CPEB1: variants seen among roughly 807,000 people sequenced by gnomAD.
CPEB1 encodes cytoplasmic polyadenylation element binding protein 1.
In CPEB1, 7 loss-of-function variants were observed where a neutral mutation model predicts 65.8. That is an observed-to-expected ratio of 0.11 (90% confidence interval 0.06 to 0.20). The LOEUF (loss-of-function observed/expected upper bound fraction) is 0.20, where lower values mean the gene tolerates loss of function less well. Ranked by LOEUF, CPEB1 falls within the 10% of genes least tolerant of loss-of-function variation. The pLI is 1.00. For synonymous variants in CPEB1, 262 were observed against 260.0 expected (o/e 1.01, Z -0.08); for missense variants, 551 against 712.2 (o/e 0.77, Z 2.58).
At chr15:82,622,912 CCTT>C (rs994561644) in intron 3 of CPEB1, among the ~76,000 whole-genome samples, 5 of 152,210 alleles carry the variant, frequency 3.3e-5, no homozygotes, top group African/African-American at 4.8e-5. Context: ...CTACCCCCCT[CCTT>C]ATGTGATCCT....
At chr15:82,582,457 G>A (rs188129041) in intron 3 of CPEB1, among the ~76,000 whole-genome samples, 22 of 152,220 alleles carry the variant, frequency 1.4e-4, no homozygotes, top group African/African-American at 4.1e-4. Context: ...TCGCCATCCC[G>A]TCTTTTTTTA....
At chr15:82,641,368 G>C (rs888359686) in intron 1 of CPEB1, among the ~76,000 whole-genome samples, 1 of 152,172 alleles carries the variant, frequency 6.6e-6, no homozygotes, top group South Asian at 2.1e-4. Flanking sequence ...AGTAGTAAGA[G>C]ATTAAGTGTT....
At chr15:82,624,755 T>C (rs576092054) in intron 3 of CPEB1, among the ~76,000 whole-genome samples, 1 of 152,278 alleles carries the variant, frequency 6.6e-6, no homozygotes, top group East Asian at 1.9e-4. Context: ...AATATTTTCC[T>C]GTAAACTAGA....
intron 9 of CPEB1, among the ~76,000 whole-genome samples, chr15:82,552,136 G>C (rs906725835): frequency 1.3e-5 from 2 of 152,160 alleles, no homozygotes; most frequent in Admixed American, 1.3e-4. Flanking sequence ...AGTCCAAGTA[G>C]AGAAGTTTGC....
chr15:82,579,116 C>T (rs2040966258), intron 3 of CPEB1, among the ~76,000 whole-genome samples: 1 of 152,144 alleles, frequency 6.6e-6, no homozygotes, highest in Non-Finnish European at 1.5e-5. Flanking sequence ...AACCACCATG[C>T]CCAGCCTTAA....
intron 1 of CPEB1, among the ~76,000 whole-genome samples, chr15:82,634,556 T>C (rs934770026): frequency 2.6e-5 from 4 of 151,728 alleles, no homozygotes; most frequent in Non-Finnish European, 5.9e-5. Context: ...TACAATGGAT[T>C]AATAGCCAGT....
At chr15:82,599,177 T>C (rs1263980766) in intron 3 of CPEB1, among the ~76,000 whole-genome samples, 1 of 152,094 alleles carries the variant, frequency 6.6e-6, no homozygotes, top group Non-Finnish European at 1.5e-5. Context: ...GCAGTTCTCT[T>C]AAAATATTAT....
At chr15:82,564,865 C>T (rs2038862721) in intron 4 of CPEB1, among the ~76,000 whole-genome samples, 1 of 152,088 alleles carries the variant, frequency 6.6e-6, no homozygotes, top group Non-Finnish European at 1.5e-5. Context: ...CTGCAATACA[C>T]TCCTACATTC....
At chr15:82,605,261 T>C (rs1276476718) in intron 3 of CPEB1, among the ~76,000 whole-genome samples, 1 of 152,178 alleles carries the variant, frequency 6.6e-6, no homozygotes, top group Admixed American at 6.5e-5. Context: ...AGTGAAAGAA[T>C]GCTAGACAGT....
Position 82,571,643 on chromosome 15 carries a change from A to G in CPEB1, c.272-111T>C, listed in dbSNP as rs1468014171. On this transcript the variant is annotated intron_variant, in intron 3 of 12. Coordinates refer to ENST00000684509, the MANE Select transcript of CPEB1 (RefSeq NM_001365242.1). ...GTTTCCCCAGGCTCACAGGCCAGAC[A>G]TCCAAGCTGGCTGGATGCTGCAGCC... 4 of 1,465,238 alleles carry G rather than the reference A, an allele frequency of 2.7e-6. No individual in the cohort carries two copies. In the African/African-American group the frequency reaches 5.7e-5, roughly 21 times the overall value. The allele number at this position is 1,465,238 out of a possible 1,614,324, so 90.8% of individuals were successfully genotyped here.
intron 3 of CPEB1, among the ~76,000 whole-genome samples, chr15:82,610,228 C>A (rs1159958292): frequency 6.6e-6 from 1 of 152,046 alleles, no homozygotes; most frequent in Non-Finnish European, 1.5e-5. Flanking sequence ...AACAAACTTC[C>A]CAGAGAATAG....
At chr15:82,571,854 T>C in intron 3 of CPEB1, 1 of 1,098,244 alleles carries the variant, frequency 9.1e-7, no homozygotes. Context: ...GCATCATCCC[T>C]CACAGAACGG....
intron 10 of CPEB1, among the ~76,000 whole-genome samples, chr15:82,547,530 G>A (rs929477044): frequency 5.9e-5 from 9 of 151,990 alleles, no homozygotes; most frequent in Admixed American, 2.6e-4. Flanking sequence ...TCCTGACCTT[G>A]TGACCCGCCC....
At chr15:82,627,591 T>C (rs2045879692) in intron 2 of CPEB1, among the ~76,000 whole-genome samples, 1 of 152,148 alleles carries the variant, frequency 6.6e-6, no homozygotes, top group Admixed American at 6.5e-5. Context: ...AGGATACTAT[T>C]AAGGAAGAGA....
rs1286889462 is a variant in CPEB1, at chr15:82,558,027, T to TC, written c.461-42dup. 4 of 1,409,896 alleles carry TC rather than the reference T, an allele frequency of 2.8e-6. No individual in the cohort carries two copies. The African/African-American group carries it at 5.8e-5, about 20-fold the overall frequency. The allele number at this position is 1,409,896 out of a possible 1,614,324, so 87.3% of individuals were successfully genotyped here. A position where few individuals can be genotyped will look rare whatever the true frequency, so the allele number is the denominator to read the frequency against. ...AGGAAACCTCATGACCTCTTAGTTTTCTTTGCAGCCAACAGCCTCTTTCTT... is the reference window on the plus strand; with the variant it reads ...AGGAAACCTCATGACCTCTTAGTTTTCCTTTGCAGCCAACAGCCTCTTTCTT... On this transcript the variant is annotated intron_variant, in intron 4 of 12. Transcript: ENST00000684509.
chr15:82,645,433 G>C (rs1349793080), intron 1 of CPEB1, among the ~76,000 whole-genome samples: 2 of 152,108 alleles, frequency 1.3e-5, no homozygotes, highest in Admixed American at 6.5e-5. Flanking sequence ...GATTAAAGGC[G>C]TGAGTCATGG....
At chr15:82,609,518 A>G (rs2043934789) in intron 3 of CPEB1, among the ~76,000 whole-genome samples, 1 of 151,744 alleles carries the variant, frequency 6.6e-6, no homozygotes, top group African/African-American at 2.4e-5. Context: ...AAAAAATAAT[A>G]ACAATAGTAA....
At chr15:82,613,299 G>C (rs1474391512) in intron 3 of CPEB1, among the ~76,000 whole-genome samples, 1 of 152,112 alleles carries the variant, frequency 6.6e-6, no homozygotes, top group African/African-American at 2.4e-5. Flanking sequence ...ATAGAATAAA[G>C]GAGAAAGGTT....
intron 3 of CPEB1, among the ~76,000 whole-genome samples, chr15:82,584,423 A>G (rs918430372): frequency 1.3e-5 from 2 of 152,022 alleles, no homozygotes; most frequent in African/African-American, 4.8e-5. Context: ...CACACCTGTA[A>G]TCCCAGCACT....
Sources: gnomAD v4.1 joint callset for allele counts (sites outside exome capture counted in the v4.1 genomes callset) on GRCh38, gnomAD v4.1.1 for gene constraint, MANE v1.5 for transcripts, NCBI Gene and HGNC (gene_info 2026-07-23, HGNC 2026-07-21) for gene names.